The following CHL1 variants were observed in gnomAD, a reference collection of about 807,000 sequenced individuals.
The protein encoded by CHL1 is cell adhesion molecule L1 like, also known as neural cell adhesion molecule L1-like protein.
Under a neutral mutation model 141.9 loss-of-function variants are expected in CHL1, and 96 were observed. That is an observed-to-expected ratio of 0.68 (90% CI 0.57 to 0.80). The LOEUF is 0.80. CHL1 is among the 30% of genes least tolerant of loss of function. CHL1 has a pLI of 0.00. For missense variants in CHL1, 1,820 were observed against 1,457.2 expected, an observed-to-expected ratio of 1.25 and a Z score of -4.05; for synonymous variants, 613 against 502.2, an observed-to-expected ratio of 1.22 and a Z score of -2.95.
At chr3:309,927 A>C (rs1699614647) in intron 2 of CHL1, among the ~76,000 whole-genome samples, 1 of 152,194 alleles carries the variant, frequency 6.6e-6, no homozygotes, top group Non-Finnish European at 1.5e-5. Context: ...TTAAATTTTT[A>C]TCATTAGTTT....
intron 1 of CHL1, among the ~76,000 whole-genome samples, chr3:218,810 A>G (rs751869049): frequency 1.3e-5 from 2 of 152,194 alleles, no homozygotes; most frequent in South Asian, 2.1e-4. Context: ...CAAAACCACA[A>G]TGAGATACCA....
chr3:280,894 ACACACACACACACATGCAC>A (rs1020698782), intron 2 of CHL1, among the ~76,000 whole-genome samples: 5 of 146,346 alleles, frequency 3.4e-5, no homozygotes, highest in African/African-American at 1.3e-4. Context: ...CACATGCACC[ACACACACACACACATGCAC>A]CACACACACA....
In CHL1 at chr3:390,995, C is replaced by A. The variant is rs1332001466; in HGVS notation, c.2627C>A (p.Thr876Lys). ...WKTKSLLDGR[T>K]HPKEVNILRF... ...ACAAAAAGTCTGTTGGATGGAAGAACACATCCCAAAGAAGTGAACATTCTA... is the reference window on the plus strand; with the variant it reads ...ACAAAAAGTCTGTTGGATGGAAGAAAACATCCCAAAGAAGTGAACATTCTA... The change falls in exon 22 of 28, where the codon ACA becomes AAA. Residue 876 changes from threonine (T) to lysine (K), a missense_variant. Physicochemically the swap from Thr to Lys is moderately conservative, Grantham distance 78 (BLOSUM62 -1). Coordinates refer to ENST00000256509, the MANE Select transcript of CHL1 (RefSeq NM_006614.4). 6.2e-7 allele frequency: 1 copy of A among 1,614,110 alleles called. No homozygotes were observed. The highest frequency in any genetic ancestry group is 8.5e-7 in the Non-Finnish European group (1 of 1,179,972).
intron 2 of CHL1, among the ~76,000 whole-genome samples, chr3:251,207 T>C (rs1200859162): frequency 2.0e-5 from 3 of 152,118 alleles, no homozygotes; most frequent in Non-Finnish European, 4.4e-5. Flanking sequence ...TTTATTAGAA[T>C]GCTTTCATTT....
chr3:219,395 A>G (rs1269960790), intron 1 of CHL1, among the ~76,000 whole-genome samples: 1 of 152,198 alleles, frequency 6.6e-6, no homozygotes, highest in African/African-American at 2.4e-5. Context: ...TCATTGCAGC[A>G]CTATTCACAA....
In CHL1 at chr3:361,707, C is replaced by G. The variant is rs1438676892; in HGVS notation, c.1315C>G (p.Pro439Ala). The G allele has an allele frequency of 1.2e-6, 2 of 1,607,946 alleles. No homozygotes were observed. The highest frequency in any genetic ancestry group is 1.7e-6 in the Non-Finnish European group (2 of 1,174,694). Residue 439 changes from proline to alanine, a missense_variant, in exon 13 of 28, where the codon CCA becomes GCA. Coordinates refer to ENST00000256509, the MANE Select transcript of CHL1 (RefSeq NM_006614.4). Reference protein sequence around the residue: ...NANIDVVDVRPLIQTKDGENY... With the variant: ...NANIDVVDVRALIQTKDGENY... ...ATGTTATTTTCAAATAGATGTCCGTCCATTGATACAAACCAAAGATGGAGA... is the reference window on the plus strand; with the variant it reads ...ATGTTATTTTCAAATAGATGTCCGTGCATTGATACAAACCAAAGATGGAGA...
intron 9 of CHL1, among the ~76,000 whole-genome samples, chr3:348,858 A>G (rs1358582619): frequency 6.6e-6 from 1 of 152,212 alleles, no homozygotes; most frequent in East Asian, 1.9e-4. Context: ...GCTTTCACGC[A>G]GGAGCCCCAT....
At position 344,636 on chromosome 3, in the gene CHL1, G is replaced by A. The variant is rs200396404; in HGVS notation, c.775G>A (p.Glu259Lys). Residue 259 changes from glutamate to lysine, a missense_variant, in exon 9 of 28, where the codon GAG (glutamate) becomes AAG (lysine). By Grantham distance (56) the Glu-to-Lys change is moderately conservative. Transcript: ENST00000256509. The part of the protein sequence containing the change: ...RKPKLLLPPT[E>K]SGSESSITIL... Reference sequence around the variant, plus strand: ...ACCCAAACTGCTGTTGCCTCCCACTGAGAGTGGCAGTGAGTCTTCAATTAC... The same window carrying A: ...ACCCAAACTGCTGTTGCCTCCCACTAAGAGTGGCAGTGAGTCTTCAATTAC... 4 of 1,613,058 alleles carry A rather than the reference G, an allele frequency of 2.5e-6. No individual in the cohort carries two copies. Among genetic ancestry groups the A allele is most frequent in the Admixed American group, 1.7e-5 (1 of 59,976 alleles).
intron 2 of CHL1, among the ~76,000 whole-genome samples, chr3:285,607 A>G (rs1336117531): frequency 6.6e-6 from 1 of 152,190 alleles, no homozygotes; most frequent in South Asian, 2.1e-4. Context: ...TCTCAGGCAA[A>G]CTACGTAGAC....
intron 9 of CHL1, among the ~76,000 whole-genome samples, chr3:346,687 T>C (rs1702794835): frequency 6.6e-6 from 1 of 152,186 alleles, no homozygotes; most frequent in African/African-American, 2.4e-5. Flanking sequence ...CCTGAAGTAG[T>C]TTCTTCTTAC....
chr3:346,399 A>G lies in CHL1; in HGVS notation c.848+1690A>G, dbSNP rs1259244575. On this transcript the variant is annotated intron_variant, in intron 9 of 27. Coordinates refer to ENST00000256509, the MANE Select transcript of CHL1 (RefSeq NM_006614.4). ...CTACTGGTTGTATTTGTACATGTTTACAGTGGTAGAAATTACATTCTTGCA... is the reference window on the plus strand; with the variant it reads ...CTACTGGTTGTATTTGTACATGTTTGCAGTGGTAGAAATTACATTCTTGCA... Among the ~76,000 whole-genome samples the G allele has an allele frequency of 5.3e-5, 8 of 152,240 alleles. 1 individual carries two copies. The highest frequency in any genetic ancestry group is 1.2e-4 in the Non-Finnish European group (8 of 68,042).
At chr3:254,573 C>A (rs189427216) in intron 2 of CHL1, among the ~76,000 whole-genome samples, 2 of 152,200 alleles carry the variant, frequency 1.3e-5, no homozygotes, top group East Asian at 3.9e-4. Flanking sequence ...TTATAAGCCA[C>A]GTATCTTGGT....
chr3:261,330 GAAGA>G (rs1694700799), intron 2 of CHL1, among the ~76,000 whole-genome samples: 1 of 151,884 alleles, frequency 6.6e-6, no homozygotes, highest in Non-Finnish European at 1.5e-5. Flanking sequence ...GAGAGGGAAG[GAAGA>G]AAGAAGGAAA....
At chr3:262,774 G>A (rs1193995015) in intron 2 of CHL1, among the ~76,000 whole-genome samples, 4 of 152,198 alleles carry the variant, frequency 2.6e-5, no homozygotes, top group Non-Finnish European at 5.9e-5. Flanking sequence ...TTGGAAGAAA[G>A]GACAGAAATC....
chr3:236,480 C>T (rs530534591), intron 1 of CHL1, among the ~76,000 whole-genome samples: 28 of 152,274 alleles, frequency 1.8e-4, no homozygotes, highest in Middle Eastern at 3.4e-3. Context: ...CAATGAAATG[C>T]ATATCCTCAT....
intron 11 of CHL1, among the ~76,000 whole-genome samples, chr3:359,244 A>C (rs1450224001): frequency 2.0e-5 from 3 of 151,880 alleles, no homozygotes; most frequent in African/African-American, 4.8e-5. Flanking sequence ...TGCCACATCC[A>C]GTAGAGTTTT....
At chr3:334,129 T>A (rs552152331) in intron 5 of CHL1, among the ~76,000 whole-genome samples, 5 of 152,236 alleles carry the variant, frequency 3.3e-5, no homozygotes, top group African/African-American at 1.2e-4. Flanking sequence ...CCTATAAACA[T>A]CTTTTTTGAA....
chr3:282,083 G>T (rs148882221), intron 2 of CHL1, among the ~76,000 whole-genome samples: 2,437 of 151,944 alleles, frequency 0.016, 77 homozygotes, highest in African/African-American at 0.056. Context: ...TATCTGCCTT[G>T]TTTTTCATTA....
intron 1 of CHL1, among the ~76,000 whole-genome samples, chr3:242,323 G>C (rs533428047): frequency 4.4e-5 from 6 of 134,908 alleles, no homozygotes; most frequent in South Asian, 4.6e-4. Context: ...CTGGCTGAGC[G>C]CGGTGGCTCA....
Sources: gnomAD v4.1 joint callset for allele counts (sites outside exome capture counted in the v4.1 genomes callset) on GRCh38, gnomAD v4.1.1 for gene constraint, MANE v1.5 for transcripts, NCBI Gene and HGNC (gene_info 2026-07-23, HGNC 2026-07-21) for gene names.